The following HPSE2 variants were observed in gnomAD, a reference collection of about 807,000 sequenced individuals.
HPSE2 encodes the protein inactive heparanase-2.
A neutral mutation model predicts 60.5 loss-of-function variants in HPSE2; 38 were observed. The observed-to-expected ratio is 0.63, with a 90% confidence interval of 0.48 to 0.82. HPSE2 has a LOEUF of 0.82. Ranked by LOEUF, HPSE2 falls within the 40% of genes least tolerant of loss-of-function variation. HPSE2 has a pLI of 0.00. For missense variants in HPSE2, 713 were observed against 740.4 expected, an observed-to-expected ratio of 0.96 and a Z score of 0.43; for synonymous variants, 295 against 293.2, an observed-to-expected ratio of 1.01 and a Z score of -0.06.
intron 9 of HPSE2, among the ~76,000 whole-genome samples, chr10:98,591,126 C>CA (rs5787292): frequency 0.42 from 62,877 of 150,810 alleles, 15,708 homozygotes; most frequent in Admixed American, 0.53. Flanking sequence ...AAATAGGGAT[C>CA]AAAAAAAAAG....
chr10:99,092,428 A>G (rs540852986), intron 3 of HPSE2, among the ~76,000 whole-genome samples: 30 of 152,354 alleles, frequency 2.0e-4, no homozygotes, highest in African/African-American at 7.0e-4. Flanking sequence ...TAATGTGTTC[A>G]GTCCAAAGCA....
intron 6 of HPSE2, among the ~76,000 whole-genome samples, chr10:98,645,754 G>A (rs1208508107): frequency 3.3e-5 from 5 of 152,088 alleles, no homozygotes; most frequent in Non-Finnish European, 5.9e-5. Flanking sequence ...TGAGGCGGGC[G>A]GATCATGAGG....
intron 3 of HPSE2, among the ~76,000 whole-genome samples, chr10:98,881,383 G>C (rs1055340613): frequency 1.3e-5 from 2 of 152,030 alleles, no homozygotes; most frequent in Non-Finnish European, 2.9e-5. Context: ...AGTTGGGAGG[G>C]ATGTGCTAAG....
At chr10:99,165,700 C>T (rs1847052652) in intron 2 of HPSE2, among the ~76,000 whole-genome samples, 1 of 152,002 alleles carries the variant, frequency 6.6e-6, no homozygotes, top group African/African-American at 2.4e-5. Context: ...ATGCGTGTCA[C>T]CATGCCCCGC....
intron 3 of HPSE2, among the ~76,000 whole-genome samples, chr10:98,957,160 C>T (rs1489970582): frequency 6.6e-6 from 1 of 152,110 alleles, no homozygotes; most frequent in Admixed American, 6.6e-5. Flanking sequence ...CCCCAGTGGT[C>T]GCAAGTTTGG....
Position 99,235,544 on chromosome 10 carries a change from T to C in HPSE2, c.259A>G (p.Ile87Val). The C allele has an allele frequency of 1.2e-6, 2 of 1,614,154 alleles. No homozygotes were observed. Among genetic ancestry groups the C allele is most frequent in the Non-Finnish European group, 1.7e-6 (2 of 1,180,038 alleles). ...AAATCGAGCCAGCCATCATGAATGATGGACGGATCCAGCTGCAGAGAGAGG... is the reference window on the plus strand; with the variant it reads ...AAATCGAGCCAGCCATCATGAATGACGGACGGATCCAGCTGCAGAGAGAGG... ...NFLSLQLDPS[I>V]IHDGWLDFLS... is the part of the protein sequence containing the mutation. Residue 87 changes from isoleucine to valine, a missense_variant, in exon 1 of 12, where the codon ATC becomes GTC. Transcript: ENST00000370552.
chr10:99,260,641 C>T, the HPSE2 span, among the ~76,000 whole-genome samples: 4 of 152,170 alleles, frequency 2.6e-5, no homozygotes, highest in Admixed American at 6.5e-5. Context: ...GTCCCGGACT[C>T]GGGAAGACAG....
At chr10:98,953,585 A>T (rs147305725) in intron 3 of HPSE2, among the ~76,000 whole-genome samples, 92 of 152,244 alleles carry the variant, frequency 6.0e-4, no homozygotes, top group Middle Eastern at 3.4e-3. Flanking sequence ...TTCAGAGTAC[A>T]CGCTCCACAT....
At chr10:98,904,886 A>C (rs1953765951) in intron 3 of HPSE2, among the ~76,000 whole-genome samples, 1 of 152,252 alleles carries the variant, frequency 6.6e-6, no homozygotes, top group South Asian at 2.1e-4. Context: ...TGACATACTC[A>C]GTGTAATATA....
intron 3 of HPSE2, among the ~76,000 whole-genome samples, chr10:98,794,718 C>T (rs2134497635): frequency 6.6e-6 from 1 of 152,092 alleles, no homozygotes; most frequent in South Asian, 2.1e-4. Flanking sequence ...AAAAGTTATC[C>T]TTTTCAATAT....
At chr10:99,277,987 C>T in the HPSE2 span, among the ~76,000 whole-genome samples, 1 of 151,638 alleles carries the variant, frequency 6.6e-6, no homozygotes, top group African/African-American at 2.4e-5. Flanking sequence ...ATCCCAGCTA[C>T]TCAGGAGGCT....
At chr10:98,471,595 C>T (rs917191525) in intron 11 of HPSE2, among the ~76,000 whole-genome samples, 3 of 152,002 alleles carry the variant, frequency 2.0e-5, no homozygotes, top group African/African-American at 7.3e-5. Context: ...TTTTTTGCTC[C>T]ATAGACTGAA....
intron 3 of HPSE2, among the ~76,000 whole-genome samples, chr10:98,747,205 C>T (rs1439248124): frequency 6.6e-6 from 1 of 151,930 alleles, no homozygotes; most frequent in Non-Finnish European, 1.5e-5. Context: ...TTTATTCATC[C>T]ATAGTTTCAA....
chr10:98,874,061 T>C (rs1302329446), intron 3 of HPSE2, among the ~76,000 whole-genome samples: 5 of 152,148 alleles, frequency 3.3e-5, no homozygotes. Flanking sequence ...GATGGAGTTG[T>C]TTCTTATCAA....
At chr10:99,016,778 G>GT (rs1957153217) in intron 3 of HPSE2, among the ~76,000 whole-genome samples, 1 of 151,900 alleles carries the variant, frequency 6.6e-6, no homozygotes, top group South Asian at 2.1e-4. Context: ...GGTATTTTGT[G>GT]TGTGTGTGTG....
intron 3 of HPSE2, among the ~76,000 whole-genome samples, chr10:98,859,467 T>C (rs1223072145): frequency 2.0e-5 from 3 of 152,200 alleles, no homozygotes; most frequent in South Asian, 4.1e-4. Context: ...CTTTCACATA[T>C]GTGGGCAGGC....
chr10:99,279,406 T>A, the HPSE2 span, among the ~76,000 whole-genome samples: 1 of 152,304 alleles, frequency 6.6e-6, no homozygotes, highest in Admixed American at 6.5e-5. Context: ...TAGTTCTCAA[T>A]AAAAATCAAG....
intron 3 of HPSE2, among the ~76,000 whole-genome samples, chr10:98,770,472 T>C (rs1324251764): frequency 1.3e-5 from 2 of 152,212 alleles, no homozygotes; most frequent in East Asian, 3.8e-4. Flanking sequence ...AAGGTCACAC[T>C]TCCCATGAGC....
chr10:99,305,979 GCACACACACACACACACA>G, the HPSE2 span, among the ~76,000 whole-genome samples: 1 of 80,580 alleles, frequency 1.2e-5, no homozygotes, highest in Non-Finnish European at 2.4e-5. Flanking sequence ...GCGCGCGCGC[GCACACACACACACACACA>G]CACACACACA....
Sources: gnomAD v4.1 joint callset for allele counts (sites outside exome capture counted in the v4.1 genomes callset) on GRCh38, gnomAD v4.1.1 for gene constraint, MANE v1.5 for transcripts, NCBI Gene and HGNC (gene_info 2026-07-23, HGNC 2026-07-21) for gene names.